The following NBAS variants were observed in gnomAD, a reference collection of about 807,000 sequenced individuals.
NBAS encodes the protein NBAS subunit of NRZ tethering complex.
In NBAS, 219 loss-of-function variants were observed where a neutral mutation model predicts 302.5. The observed-to-expected ratio is 0.72, with a 90% confidence interval of 0.65 to 0.81. The LOEUF is 0.81. NBAS is among the 30% of genes least tolerant of loss of function. The pLI is 0.00. For synonymous variants in NBAS, 1,118 were observed against 1,021.6 expected (o/e 1.09, Z -1.80); for missense variants, 2,932 against 2,841.6 (o/e 1.03, Z -0.72).
At chr2:14,806,905 T>C in the NBAS span, among the ~76,000 whole-genome samples, 33 of 152,202 alleles carry the variant, frequency 2.2e-4, no homozygotes, top group Non-Finnish European at 4.7e-4. Flanking sequence ...CATTTTCTGT[T>C]AGTTGTCAGA....
the NBAS span, among the ~76,000 whole-genome samples, chr2:14,947,466 G>A: frequency 2.6e-5 from 4 of 152,084 alleles, no homozygotes; most frequent in African/African-American, 9.7e-5. Flanking sequence ...ATTGAACCAT[G>A]AAGAAATTTT....
At chr2:15,529,384 T>C (rs1663109807) in intron 9 of NBAS, among the ~76,000 whole-genome samples, 1 of 151,958 alleles carries the variant, frequency 6.6e-6, no homozygotes, top group South Asian at 2.1e-4. Flanking sequence ...TCCCAGCTAC[T>C]CGAGAGGCTC....
chr2:15,106,673 T>G, the NBAS span, among the ~76,000 whole-genome samples: 1 of 152,090 alleles, frequency 6.6e-6, no homozygotes, highest in Non-Finnish European at 1.5e-5. Flanking sequence ...ACTTTCTTTT[T>G]TTCAGCCTGC....
downstream of NBAS, among the ~76,000 whole-genome samples, chr2:15,165,045 G>C (rs1222345652): frequency 6.6e-6 from 1 of 152,162 alleles, no homozygotes. Context: ...AATCCATAAA[G>C]TCAGGGTGTC....
intron 21 of NBAS, among the ~76,000 whole-genome samples, chr2:15,453,840 G>T (rs984733660): frequency 6.6e-6 from 1 of 151,624 alleles, no homozygotes. Flanking sequence ...GTGCAGTGGC[G>T]CAATCTTGGC....
the NBAS span, among the ~76,000 whole-genome samples, chr2:14,885,980 C>A: frequency 6.6e-6 from 1 of 152,198 alleles, no homozygotes; most frequent in Non-Finnish European, 1.5e-5. Flanking sequence ...GAACGAGCAA[C>A]TTCCTTTGAG....
chr2:14,803,008 G>GT, the NBAS span, among the ~76,000 whole-genome samples: 2 of 150,638 alleles, frequency 1.3e-5, no homozygotes, highest in African/African-American at 4.9e-5. Context: ...CCTGCACAAT[G>GT]TGCACATGTA....
the NBAS span, among the ~76,000 whole-genome samples, chr2:15,069,105 C>T: frequency 1.3e-5 from 2 of 152,182 alleles, no homozygotes; most frequent in Non-Finnish European, 2.9e-5. Context: ...AGAGCTCTCA[C>T]GACCTAATCA....
the NBAS span, among the ~76,000 whole-genome samples, chr2:14,915,463 G>A: frequency 2.0e-5 from 3 of 152,160 alleles, no homozygotes; most frequent in Admixed American, 6.5e-5. Context: ...CATAATTCTC[G>A]CTTGTTGTGG....
chr2:15,191,179 T>C (rs1665338468), intron 48 of NBAS, among the ~76,000 whole-genome samples: 1 of 152,184 alleles, frequency 6.6e-6, no homozygotes, highest in Non-Finnish European at 1.5e-5. Flanking sequence ...CAGACATTCA[T>C]GATGATGAGT....
At chr2:15,117,393 G>T in the NBAS span, among the ~76,000 whole-genome samples, 9 of 152,166 alleles carry the variant, frequency 5.9e-5, no homozygotes, top group Non-Finnish European at 1.3e-4. Flanking sequence ...CTGTGGCTTA[G>T]CTCCTGTTCA....
At chr2:15,179,243 T>C (rs1201864978) in intron 50 of NBAS, 127 bp from the exon 51 acceptor site, 4 of 1,395,914 alleles carry the variant, frequency 2.9e-6, no homozygotes, top group African/African-American at 1.4e-5. Flanking sequence ...CCACATATGG[T>C]ACCGCACTGG....
At chr2:14,797,372 T>C in the NBAS span, among the ~76,000 whole-genome samples, 1 of 152,196 alleles carries the variant, frequency 6.6e-6, no homozygotes, top group Admixed American at 6.5e-5. Flanking sequence ...TTTCTTGCCC[T>C]CTGCCAGCAC....
chr2:15,019,220 G>A, the NBAS span, among the ~76,000 whole-genome samples: 7 of 152,168 alleles, frequency 4.6e-5, no homozygotes, highest in Non-Finnish European at 8.8e-5. Context: ...TACAGACATT[G>A]TTGCAAAATC....
In NBAS at chr2:15,380,840, A is replaced by G. The variant is rs1032879858; in HGVS notation, c.3361-1009T>C. ...TTAATGGAGAAGCAAGAGTTTCAAT[A>G]TAATTAAGAAGACCATCCAATCTTC... On this transcript the variant is annotated intron_variant, in intron 29 of 51. Transcript: ENST00000281513. 1.4e-4 allele frequency among the ~76,000 whole-genome samples: 22 copies of G among 152,342 alleles called. 1 individual carries two copies. Among genetic ancestry groups the G allele is most frequent in the Non-Finnish European group, 2.4e-4 (16 of 68,022 alleles).
chr2:14,867,814 C>A, the NBAS span, among the ~76,000 whole-genome samples: 8 of 152,100 alleles, frequency 5.3e-5, no homozygotes, highest in African/African-American at 1.9e-4. Context: ...AACGTGCTTA[C>A]CCATATTTTT....
At chr2:14,903,892 G>A in the NBAS span, among the ~76,000 whole-genome samples, 2 of 152,236 alleles carry the variant, frequency 1.3e-5, no homozygotes, top group East Asian at 3.9e-4. Context: ...AGGGTGGGGG[G>A]AGGCGTGCCC....
intron 44 of NBAS, among the ~76,000 whole-genome samples, chr2:15,238,995 C>T (rs892995597): frequency 6.6e-6 from 1 of 152,062 alleles, no homozygotes; most frequent in South Asian, 2.1e-4. Flanking sequence ...GCCATATTCC[C>T]AGTTCTGATC....
At chr2:15,178,209 T>C (rs1448774923) in intron 51 of NBAS, 4 of 466,798 alleles carry the variant, frequency 8.6e-6, no homozygotes, top group Admixed American at 7.1e-5. Context: ...TATACATATA[T>C]ATGTATATAT....
Sources: gnomAD v4.1 joint callset for allele counts (sites outside exome capture counted in the v4.1 genomes callset) on GRCh38, gnomAD v4.1.1 for gene constraint, MANE v1.5 for transcripts, NCBI Gene and HGNC (gene_info 2026-07-23, HGNC 2026-07-21) for gene names.